Variants in FGF22 observed in about 807,000 individuals in gnomAD.
FGF22 encodes FGF-22.
A neutral mutation model predicts 10.3 loss-of-function variants in FGF22; 11 were observed. The observed-to-expected ratio is 1.07, with a 90% CI of 0.67 to 1.77. FGF22 has a LOEUF of 1.77. Ranked by LOEUF, FGF22 falls within the 40% of genes most tolerant of loss-of-function variation. FGF22 has a pLI of 0.00. For synonymous variants in FGF22, 136 were observed against 122.1 expected (o/e 1.11, Z -0.75); for missense variants, 317 against 273.2 (o/e 1.16, Z -1.13).
chr19:643,934 A>T, exon 3 of FGF22: 1 of 71,086 alleles, frequency 1.4e-5, no homozygotes, highest in Non-Finnish European at 2.8e-5. Flanking sequence ...GAGTGGGGGC[A>T]GGAGCGGAGG....
chr19:643,304 T>TG lies in FGF22; in HGVS notation c.286dup (p.Ala96GlyfsTer79). The TG allele has an allele frequency of 6.3e-7, 1 of 1,597,150 alleles. No homozygotes were observed. The highest frequency in any genetic ancestry group is 1.1e-5 in the South Asian group (1 of 90,628). ...AAAGCAGTGTCCTCAGGCTTCTACG[T>TG]GGCCATGAACCGCCGGGGCCGCCTC... On this transcript the variant is annotated frameshift_variant, in exon 2 of 3. Coordinates refer to ENST00000215530, the Ensembl canonical transcript of FGF22. LOFTEE classifies it low-confidence loss of function (END_TRUNC).
exon 3 of FGF22, chr19:643,462 A>C (rs775856232): frequency 6.2e-7 from 1 of 1,611,364 alleles, no homozygotes; most frequent in Non-Finnish European, 8.5e-7. Context: ...GAGAACGGCC[A>C]CAACACCTAC....
At chr19:643,845 C>G (rs867060039) in exon 3 of FGF22, 13 of 514,992 alleles carry the variant, frequency 2.5e-5, no homozygotes, top group Middle Eastern at 1.0e-3. Flanking sequence ...GGCTGAAGGA[C>G]GCAGACGTCG....
chr19:639,885 G>A, exon 1 of FGF22: 1 of 1,170,588 alleles, frequency 8.5e-7, no homozygotes. Context: ...AGCCGCGGAC[G>A]CCCGGGAGCG....
At chr19:641,679 G>A in intron 1 of FGF22, 1 of 189,558 alleles carries the variant, frequency 5.3e-6, no homozygotes, top group Non-Finnish European at 1.1e-5. Flanking sequence ...CAGGGGAGGG[G>A]AGGTGCAGGG....
intron 2 of FGF22, 27 bp from the exon 3 acceptor site, chr19:643,383 G>C (rs1452982861): frequency 1.2e-6 from 2 of 1,602,446 alleles, no homozygotes; most frequent in Non-Finnish European, 8.5e-7. Context: ...GGTGGGGAGG[G>C]TGGGCCGGCC....
In FGF22 at chr19:643,222, C is replaced by A; in HGVS notation, c.215-13C>A. On this transcript the variant is annotated splice_polypyrimidine_tract_variant and intron_variant, in intron 1 of 2. Transcript: ENST00000215530. Reference sequence around the variant, plus strand: ...GAGCCAGCAAGGCCCTCCCCGACCCCCGCCTCCCCCAGGCATCCTGGAGAT... The same window carrying A: ...GAGCCAGCAAGGCCCTCCCCGACCCACGCCTCCCCCAGGCATCCTGGAGAT... The A allele has an allele frequency of 6.3e-7, 1 of 1,597,190 alleles. No individual in the cohort carries two copies. Among genetic ancestry groups the A allele is most frequent in the South Asian group, 1.1e-5 (1 of 89,706 alleles).
chr19:639,972 G>T (rs1361630682), exon 1 of FGF22: 29 of 1,258,992 alleles, frequency 2.3e-5, no homozygotes, highest in Non-Finnish European at 2.7e-5. Flanking sequence ...CTGCTGGCGC[G>T]GGCGCCGGAC....
In FGF22 at chr19:640,438, G is replaced by A. The variant is rs188642225; in HGVS notation, c.214+299G>A. The A allele has an allele frequency of 1.9e-3, 537 of 284,798 alleles. 4 individuals carry two copies. Among genetic ancestry groups the A allele is most frequent in the African/African-American group, 0.011 (507 of 45,544 alleles). 17.6% of individuals were successfully genotyped at this position (284,798 alleles called of 1,614,324 possible). A position where few individuals can be genotyped will look rare whatever the true frequency, so the allele number is the denominator to read the frequency against. On this transcript the variant is annotated intron_variant, in intron 1 of 2. Coordinates refer to ENST00000215530, the Ensembl canonical transcript of FGF22. ...GAAACTGAGGCTCCAGAGGGGCTGGGGCAGGCCCAGCTGCATGGCGGAAGC... is the reference window on the plus strand; with the variant it reads ...GAAACTGAGGCTCCAGAGGGGCTGGAGCAGGCCCAGCTGCATGGCGGAAGC...
At chr19:641,858 G>A (rs1985913172) in intron 1 of FGF22, among the ~76,000 whole-genome samples, 1 of 152,178 alleles carries the variant, frequency 6.6e-6, no homozygotes, top group Non-Finnish European at 1.5e-5. Flanking sequence ...TGACAAAGCG[G>A]CAGACACCCA....
exon 1 of FGF22, chr19:639,993 C>T (rs745396212): frequency 2.4e-5 from 31 of 1,297,556 alleles, no homozygotes; most frequent in African/African-American, 3.1e-5. Context: ...GCCGCGGGAA[C>T]CCCGAGCGCG....
chr19:639,880 C>T (rs1985840273), exon 1 of FGF22: 3 of 1,156,328 alleles, frequency 2.6e-6, no homozygotes, highest in Non-Finnish European at 3.2e-6. Flanking sequence ...GGCAGAGCCG[C>T]GGACGCCCGG....
At chr19:643,459 G>A in exon 3 of FGF22, 3 of 1,611,510 alleles carry the variant, frequency 1.9e-6, no homozygotes, top group Admixed American at 1.7e-5. Context: ...GAAGAGAACG[G>A]CCACAACACC....
chr19:642,230 CCATA>C (rs765038682), intron 1 of FGF22, among the ~76,000 whole-genome samples: 19 of 81,028 alleles, frequency 2.3e-4, no homozygotes, highest in South Asian at 3.8e-4. Flanking sequence ...GCTGGGGGCT[CCATA>C]TGGGGTGGTG....
At chr19:643,649 C>T (rs762775485) in exon 3 of FGF22, 7 of 1,414,998 alleles carry the variant, frequency 4.9e-6, no homozygotes, top group East Asian at 2.5e-5. Context: ...GGGCTGGTGG[C>T]GAGGGGCCCG....
intron 1 of FGF22, chr19:641,325 C>T: frequency 2.2e-6 from 1 of 450,384 alleles, no homozygotes; most frequent in East Asian, 7.0e-5. Context: ...GTCGGTAATC[C>T]CAGCACTTTG....
chr19:643,365 G>C lies in FGF22; in HGVS notation c.318+27G>C, dbSNP rs748117927. On this transcript the variant is annotated intron_variant, in intron 2 of 2. Coordinates refer to ENST00000215530, the Ensembl canonical transcript of FGF22. ...TGAGTGCCGGGCAGGGCTGGGCGGC[G>C]CGGGCAGGGTGGGGAGGGTGGGCCG... 3.8e-5 allele frequency: 61 copies of C among 1,601,816 alleles called. No homozygotes were observed. In the East Asian group the frequency reaches 1.1e-3, roughly 29 times the overall value.
exon 1 of FGF22, chr19:640,118 C>T: frequency 1.5e-6 from 2 of 1,372,446 alleles, no homozygotes; most frequent in South Asian, 3.3e-5. Flanking sequence ...GCAGGGCACC[C>T]GCTGGCGCCA....
At chr19:641,597 C>G (rs1410323694) in intron 1 of FGF22, 3 of 243,638 alleles carry the variant, frequency 1.2e-5, no homozygotes, top group Non-Finnish European at 2.5e-5. Context: ...AAAAAAAGAA[C>G]AGTGAATGAC....
Sources: allele counts gnomAD v4.1 joint callset (sites outside exome capture counted in the v4.1 genomes callset), GRCh38; gene constraint gnomAD v4.1.1; transcripts MANE v1.5; gene names NCBI Gene and HGNC (gene_info 2026-07-23, HGNC 2026-07-21).